ANO4: variants seen among roughly 807,000 people sequenced by gnomAD.
ANO4 encodes the protein anoctamin 4, also known as anoctamin-4.
In ANO4, 69 loss-of-function variants were observed where a neutral mutation model predicts 141.9. That is an observed-to-expected ratio of 0.49 (90% CI 0.40 to 0.59). The LOEUF (loss-of-function observed/expected upper bound fraction) is 0.59. Among genes scored for constraint, ANO4 ranks in the 20% least tolerant of loss-of-function variants. The pLI is 0.00. For missense variants in ANO4, 894 were observed against 1,162.2 expected (o/e 0.77, Z 3.36); for synonymous variants, 350 against 394.3 (o/e 0.89, Z 1.33).
intron 19 of ANO4, among the ~76,000 whole-genome samples, chr12:101,097,422 G>C (rs942362550): frequency 6.6e-6 from 1 of 152,192 alleles, no homozygotes; most frequent in Non-Finnish European, 1.5e-5. Context: ...CAAGCAGCAA[G>C]AACTGGCTTC....
At chr12:100,924,569 A>G (rs766293079) in intron 3 of ANO4, among the ~76,000 whole-genome samples, 9 of 152,168 alleles carry the variant, frequency 5.9e-5, no homozygotes. Flanking sequence ...TTCCGGTTGA[A>G]CAATCCCTTT....
intron 3 of ANO4, among the ~76,000 whole-genome samples, chr12:100,930,944 TGTAGG>T (rs1566023689): frequency 6.6e-6 from 1 of 152,162 alleles, no homozygotes; most frequent in East Asian, 1.9e-4. Flanking sequence ...TCAAAAGGGC[TGTAGG>T]GTTCCAGAGA....
Position 100,831,093 on chromosome 12 carries a change from G to A in ANO4, c.-141+36066G>A, listed in dbSNP as rs536470499. ...CCATTTTGAACTGATATTTAAAACT[G>A]TATAAAGATCCTGTGGTTATTGATA... is the stretch of plus-strand genomic sequence containing the variant. On this transcript the variant is annotated intron_variant, in intron 1 of 27. Transcript: ENST00000392977. 1.7e-4 allele frequency among the ~76,000 whole-genome samples: 26 copies of A among 152,190 alleles called. No individual in the cohort carries two copies. In the South Asian group the frequency reaches 4.6e-3, roughly 27 times the overall value.
At chr12:101,035,962 A>G (rs2047175184) in intron 9 of ANO4, among the ~76,000 whole-genome samples, 1 of 152,136 alleles carries the variant, frequency 6.6e-6, no homozygotes, top group Non-Finnish European at 1.5e-5. Flanking sequence ...CAATTTACCC[A>G]TGTCACAAAC....
At chr12:100,718,340 G>T (rs745718046) in intron 1 of ANO4, among the ~76,000 whole-genome samples, 14 of 152,148 alleles carry the variant, frequency 9.2e-5, no homozygotes, top group Non-Finnish European at 1.8e-4. Context: ...CTGAGACTTG[G>T]TTATAGGAAG....
chr12:100,823,740 A>C (rs187434252), intron 1 of ANO4, among the ~76,000 whole-genome samples: 18 of 152,098 alleles, frequency 1.2e-4, no homozygotes, highest in Admixed American at 1.1e-3. Flanking sequence ...CACAATCTTC[A>C]AATAATTATT....
At position 100,974,804 on chromosome 12, in the gene ANO4, G is replaced by A. The variant is rs764744094; in HGVS notation, c.558-41G>A. 4 of 1,608,628 alleles carry A rather than the reference G, an allele frequency of 2.5e-6. No homozygotes were observed. In the Admixed American group the frequency reaches 5.0e-5, roughly 20 times the overall value. On this transcript the variant is annotated intron_variant, in intron 6 of 27. Transcript: ENST00000392977. ...CTAGTTCAAACTGTAACTGACGATGGGTTTTCTTCTCGACTGGCTTCATTT... is the reference window on the plus strand; with the variant it reads ...CTAGTTCAAACTGTAACTGACGATGAGTTTTCTTCTCGACTGGCTTCATTT...
intron 8 of ANO4, among the ~76,000 whole-genome samples, chr12:100,997,528 G>A (rs1038241498): frequency 6.6e-6 from 1 of 151,518 alleles, no homozygotes; most frequent in Non-Finnish European, 1.5e-5. Context: ...AAATAAAATG[G>A]TAAAAATATA....
At chr12:100,981,992 C>A (rs181678608) in intron 7 of ANO4, among the ~76,000 whole-genome samples, 22 of 152,206 alleles carry the variant, frequency 1.4e-4, no homozygotes, top group African/African-American at 5.3e-4. Context: ...AAGTTTGTAC[C>A]CATTTGCTTA....
intron 5 of ANO4, among the ~76,000 whole-genome samples, chr12:100,956,735 GT>G (rs1440560767): frequency 6.6e-6 from 1 of 152,188 alleles, no homozygotes; most frequent in East Asian, 1.9e-4. Flanking sequence ...AGGGTAACCT[GT>G]TACAGGCGTT....
intron 5 of ANO4, 112 bp from the exon 6 acceptor site, chr12:100,971,194 A>C: frequency 1.6e-6 from 1 of 634,634 alleles, no homozygotes; most frequent in Non-Finnish European, 2.7e-6. Context: ...TTGGTGAGGA[A>C]TGCCCCAAAT....
chr12:101,055,030 A>G (rs1412267612), intron 14 of ANO4, among the ~76,000 whole-genome samples: 4 of 152,208 alleles, frequency 2.6e-5, no homozygotes, highest in African/African-American at 7.2e-5. Context: ...AGTATTCCAG[A>G]GCCTGGCTAT....
chr12:100,866,284 G>A (rs1359274027), intron 1 of ANO4, among the ~76,000 whole-genome samples: 2 of 152,174 alleles, frequency 1.3e-5, no homozygotes, highest in Admixed American at 1.3e-4. Flanking sequence ...CTTCAAAGCA[G>A]TGGCAGGGGA....
At chr12:100,956,344 T>C (rs994894938) in intron 5 of ANO4, among the ~76,000 whole-genome samples, 3 of 152,206 alleles carry the variant, frequency 2.0e-5, no homozygotes, top group Admixed American at 6.5e-5. Flanking sequence ...CATTCTTCTT[T>C]CTCTCTGTTT....
At chr12:101,011,589 A>G (rs2136449958) in intron 8 of ANO4, among the ~76,000 whole-genome samples, 1 of 152,164 alleles carries the variant, frequency 6.6e-6, no homozygotes, top group East Asian at 1.9e-4. Context: ...CTACAATTCC[A>G]ACACATGGTG....
At chr12:100,942,130 G>A (rs1168477639) in intron 4 of ANO4, among the ~76,000 whole-genome samples, 1 of 151,842 alleles carries the variant, frequency 6.6e-6, no homozygotes, top group African/African-American at 2.4e-5. Context: ...ACAGGCACAC[G>A]CCACCATGCC....
chr12:101,077,080 C>A (rs986132442), intron 14 of ANO4, among the ~76,000 whole-genome samples: 2 of 152,198 alleles, frequency 1.3e-5, no homozygotes, highest in African/African-American at 2.4e-5. Context: ...GCCAACAATA[C>A]AATTTATGCT....
At chr12:101,004,775 T>C (rs911941681) in intron 8 of ANO4, among the ~76,000 whole-genome samples, 9 of 152,284 alleles carry the variant, frequency 5.9e-5, no homozygotes, top group African/African-American at 1.9e-4. Flanking sequence ...TCCTTCTTTA[T>C]TGACACCCCA....
At chr12:100,956,903 A>T (rs1296118350) in intron 5 of ANO4, among the ~76,000 whole-genome samples, 1 of 152,234 alleles carries the variant, frequency 6.6e-6, no homozygotes, top group Non-Finnish European at 1.5e-5. Flanking sequence ...TCAATTAAGT[A>T]CTGAATTTTA....
Sources: gnomAD v4.1 joint callset for allele counts (sites outside exome capture counted in the v4.1 genomes callset) on GRCh38, gnomAD v4.1.1 for gene constraint, MANE v1.5 for transcripts, NCBI Gene and HGNC (gene_info 2026-07-23, HGNC 2026-07-21) for gene names.